Variants in COL24A1 observed in about 807,000 individuals in gnomAD.
COL24A1 encodes collagen type XXIV alpha 1 chain.
Under a neutral mutation model 253.9 loss-of-function variants are expected in COL24A1, and 224 were observed. The ratio of observed to expected loss-of-function variants is 0.88; its 90% CI spans 0.79 to 0.99. The LOEUF is 0.99. Among genes scored for constraint, COL24A1 ranks in the 50% least tolerant of loss-of-function variants. The pLI is 0.00. For synonymous variants in COL24A1, 685 were observed against 673.7 expected, an observed-to-expected ratio of 1.02 and a Z score of -0.26; for missense variants, 2,131 against 2,068.5, an observed-to-expected ratio of 1.03 and a Z score of -0.59.
intron 7 of COL24A1, among the ~76,000 whole-genome samples, chr1:86,079,573 C>T (rs1315740491): frequency 6.6e-6 from 1 of 152,084 alleles, no homozygotes; most frequent in Non-Finnish European, 1.5e-5. Context: ...AGATGAATAA[C>T]TAGAATGTAG....
chr1:86,029,046 A>C (rs577412745), intron 14 of COL24A1, among the ~76,000 whole-genome samples: 1 of 152,282 alleles, frequency 6.6e-6, no homozygotes, highest in Admixed American at 6.5e-5. Flanking sequence ...AGATTAAATA[A>C]AAACTGCATG....
intron 28 of COL24A1, among the ~76,000 whole-genome samples, chr1:85,897,403 T>C (rs944903829): frequency 2.0e-5 from 3 of 149,022 alleles, no homozygotes; most frequent in Non-Finnish European, 3.0e-5. Flanking sequence ...CCCCTGAACT[T>C]AAAATAAAAA....
At chr1:85,778,614 T>TTG (rs1226772346) in intron 52 of COL24A1, among the ~76,000 whole-genome samples, 1 of 150,952 alleles carries the variant, frequency 6.6e-6, no homozygotes, top group Non-Finnish European at 1.5e-5. Context: ...AATTTTTTTT[T>TTG]TTTTTTTGAG....
intron 22 of COL24A1, among the ~76,000 whole-genome samples, chr1:85,966,475 AAGT>A: frequency 6.6e-6 from 1 of 152,120 alleles, no homozygotes; most frequent in Admixed American, 6.6e-5. Flanking sequence ...ATGGTATTTA[AAGT>A]CCTAGGGTGG....
In COL24A1 at chr1:85,818,879, T is replaced by C. The variant is rs955421177; in HGVS notation, c.3790-792A>G. 6.6e-5 allele frequency among the ~76,000 whole-genome samples: 10 copies of C among 152,346 alleles called. No individual in the cohort carries two copies. In the East Asian group the frequency reaches 1.3e-3, roughly 21 times the overall value. On this transcript the variant is annotated intron_variant, in intron 45 of 59. Coordinates refer to ENST00000370571, the MANE Select transcript of COL24A1 (RefSeq NM_152890.7). ...ACAGGATAATCCCACTAAAATGGGA[T>C]GTTAAATCATTCAATTTTGAAGACA...
intron 5 of COL24A1, among the ~76,000 whole-genome samples, chr1:86,103,839 A>C (rs1380010180): frequency 6.6e-6 from 1 of 152,020 alleles, no homozygotes; most frequent in Non-Finnish European, 1.5e-5. Context: ...TCAACCTTGG[A>C]GAATCTGACG....
In COL24A1 at chr1:86,124,789, G is replaced by C. The variant is rs182010345; in HGVS notation, c.1491+56C>G. 414 of 1,319,764 alleles carry C rather than the reference G, an allele frequency of 3.1e-4. 9 individuals are homozygous for C. In the East Asian group the frequency reaches 0.01, roughly 32 times the overall value. The allele number at this position is 1,319,764 out of a possible 1,614,324, so 81.8% of individuals were successfully genotyped here. ...AACTCTCTTTAAAATGTATTTTAAA[G>C]AGAGTTTAAAATGTAAGTTAGCATA... is the stretch of plus-strand genomic sequence containing the variant. On this transcript the variant is annotated intron_variant, in intron 3 of 59. Coordinates refer to ENST00000370571, the MANE Select transcript of COL24A1 (RefSeq NM_152890.7).
rs190749383 is a variant in COL24A1 at position 85,747,363 on chromosome 1, C to A, written c.4438-1857G>T. 2.1e-4 allele frequency among the ~76,000 whole-genome samples: 32 copies of A among 152,114 alleles called. No individual in the cohort carries two copies. In the East Asian group the frequency reaches 6.0e-3, roughly 29 times the overall value. On this transcript the variant is annotated intron_variant, in intron 55 of 59. Transcript: ENST00000370571. Reference sequence around the variant, plus strand: ...TCCTGACCTCAGGTGATCTGCCCGCCTTGGCCTCCCAAAGTGCTGGGATTA... The same window carrying A: ...TCCTGACCTCAGGTGATCTGCCCGCATTGGCCTCCCAAAGTGCTGGGATTA...
chr1:85,761,645 C>T (rs1558023363), intron 53 of COL24A1, 79 bp from the exon 54 acceptor site: 1 of 1,396,152 alleles, frequency 7.2e-7, no homozygotes, highest in South Asian at 1.2e-5. Flanking sequence ...AATATTCAAC[C>T]TCTGTAACTG....
chr1:86,134,338 C>T (rs2102336848), intron 2 of COL24A1, among the ~76,000 whole-genome samples: 1 of 151,850 alleles, frequency 6.6e-6, no homozygotes, highest in East Asian at 2.0e-4. Flanking sequence ...TTTTTTGTGT[C>T]TCCATTTCCT....
intron 4 of COL24A1, among the ~76,000 whole-genome samples, chr1:86,113,855 A>G (rs891042632): frequency 1.7e-4 from 26 of 151,226 alleles, no homozygotes; most frequent in African/African-American, 6.0e-4. Context: ...AAAAAAAAAA[A>G]AAAAAAAAGA....
intron 47 of COL24A1, among the ~76,000 whole-genome samples, chr1:85,792,523 T>TAA (rs34566729): frequency 0.084 from 10,793 of 127,994 alleles, 633 homozygotes; most frequent in South Asian, 0.13. Context: ...ACCCCATCTC[T>TAA]AAAAAAAAAA....
At chr1:85,926,609 T>A (rs890564744) in intron 24 of COL24A1, among the ~76,000 whole-genome samples, 1 of 151,932 alleles carries the variant, frequency 6.6e-6, no homozygotes, top group Admixed American at 6.6e-5. Context: ...TAGGTGGGAA[T>A]TGAACAATGA....
In COL24A1 at chr1:86,145,571, T is replaced by C. The variant is rs536989621; in HGVS notation, c.121+548A>G. Among the ~76,000 whole-genome samples, 4 of 152,230 alleles carry C rather than the reference T, an allele frequency of 2.6e-5. No homozygotes were observed. In the East Asian group the frequency reaches 7.7e-4, roughly 29 times the overall value. On this transcript the variant is annotated intron_variant, in intron 2 of 59. Transcript: ENST00000370571. ...ATCAATCATGTTTAAATGAATGAAT[T>C]AGGATATACATAGACTCCTGAAACT...
chr1:86,083,913 A>G (rs1702863887), intron 7 of COL24A1, among the ~76,000 whole-genome samples: 1 of 152,214 alleles, frequency 6.6e-6, no homozygotes. Context: ...TCCTAAATCC[A>G]TATATTTTCC....
intron 24 of COL24A1, among the ~76,000 whole-genome samples, chr1:85,946,212 T>C (rs1262451695): frequency 1.3e-5 from 2 of 152,196 alleles, no homozygotes; most frequent in Non-Finnish European, 2.9e-5. Context: ...GTAGATAATA[T>C]TTAACATGTT....
At chr1:86,012,720 C>G (rs552706574) in intron 19 of COL24A1, among the ~76,000 whole-genome samples, 1 of 150,586 alleles carries the variant, frequency 6.6e-6, no homozygotes, top group Non-Finnish European at 1.5e-5. Flanking sequence ...CATGCCTCTG[C>G]CCTATTTAAA....
intron 57 of COL24A1, among the ~76,000 whole-genome samples, chr1:85,737,804 T>A (rs955736587): frequency 1.3e-5 from 2 of 152,038 alleles, no homozygotes; most frequent in African/African-American, 4.8e-5. Context: ...CCTCAAGTGA[T>A]CTGCCCACCT....
intron 43 of COL24A1, among the ~76,000 whole-genome samples, chr1:85,824,751 G>A (rs1351351309): frequency 1.3e-5 from 2 of 152,040 alleles, no homozygotes; most frequent in Non-Finnish European, 2.9e-5. Context: ...ATAATTCTGC[G>A]TGTAAATTCT....
Sources: gnomAD v4.1 joint callset for allele counts (sites outside exome capture counted in the v4.1 genomes callset) on GRCh38, gnomAD v4.1.1 for gene constraint, MANE v1.5 for transcripts, NCBI Gene and HGNC (gene_info 2026-07-23, HGNC 2026-07-21) for gene names.